SYT16: variants seen among roughly 807,000 people sequenced by gnomAD.
The protein encoded by SYT16 is synaptotagmin-16.
In SYT16, 42 loss-of-function variants were observed where a neutral mutation model predicts 61.4. The ratio of observed to expected loss-of-function variants is 0.68; its 90% CI spans 0.53 to 0.89. The LOEUF (loss-of-function observed/expected upper bound fraction) is 0.89, where lower values mean the gene tolerates loss of function less well. Among genes scored for constraint, SYT16 ranks in the 40% least tolerant of loss-of-function variants. SYT16 has a pLI of 0.00. For missense variants in SYT16, 804 were observed against 807.3 expected (o/e 1.00, Z 0.05); for synonymous variants, 314 against 302.3 (o/e 1.04, Z -0.40).
rs1222370544 is a variant in SYT16 at position 62,100,964 on chromosome 14, T to C, written c.*257T>C. The stretch of plus-strand genomic sequence containing the variant: ...CAATTAAGACCACTGATGAGTTAAT[T>C]TGTGCCAATAGATCATTGAGTTTTA... On this transcript the variant is annotated 3_prime_UTR_variant, in exon 8 of 8. Transcript: ENST00000683842. 2.5e-6 allele frequency: 1 copy of C among 395,446 alleles called. No individual in the cohort carries two copies. Among genetic ancestry groups the C allele is most frequent in the East Asian group, 4.6e-5 (1 of 21,928 alleles). 24.5% of individuals were successfully genotyped at this position (395,446 alleles called of 1,614,324 possible). A position where few individuals can be genotyped will look rare whatever the true frequency, so the allele number is the denominator to read the frequency against.
intron 1 of SYT16, among the ~76,000 whole-genome samples, chr14:61,967,988 C>G (rs779691181): frequency 4.6e-5 from 7 of 151,960 alleles, no homozygotes; most frequent in Admixed American, 1.3e-4. Flanking sequence ...AGGCTGGGTG[C>G]GGTGGCTCAT....
intron 1 of SYT16, among the ~76,000 whole-genome samples, chr14:61,901,734 A>G (rs946468160): frequency 3.4e-5 from 5 of 146,908 alleles, no homozygotes; most frequent in African/African-American, 1.3e-4. Context: ...CATAGTGTTC[A>G]TCTGCTTATA....
chr14:61,901,762 A>AATT lies in SYT16; in HGVS notation c.-324-68354_-324-68352dup, dbSNP rs1555354445. On this transcript the variant is annotated intron_variant, in intron 1 of 7. Coordinates refer to ENST00000683842, the MANE Select transcript of SYT16 (RefSeq NM_001367656.1). ...TGCTTATAATAATAATAATAATAAT[A>AATT]ATTATTATTATTATTATTTTTTGGA... is the stretch of plus-strand genomic sequence containing the variant. Among the ~76,000 whole-genome samples the AATT allele has an allele frequency of 5.7e-3, 786 of 138,812 alleles. 4 individuals carry two copies. Among genetic ancestry groups the AATT allele is most frequent in the African/African-American group, 0.022 (735 of 34,088 alleles). 91.1% of individuals were successfully genotyped at this position (138,812 alleles called of 152,430 possible). A position where few individuals can be genotyped will look rare whatever the true frequency, so the allele number is the denominator to read the frequency against.
In SYT16 at chr14:62,084,251, C is replaced by G; in HGVS notation, c.1490C>G (p.Ser497Cys). ...SAVSHSDSTS[S>C]TQSLSHGGAP... The stretch of plus-strand genomic sequence containing the variant: ...GTTTCTCACAGTGATAGTACTTCAT[C>G]CACGCAGTCGCTGTCTCATGGAGGG... The change falls in exon 7 of 8, where the codon TCC becomes TGC. Residue 497 changes from serine (S) to cysteine (C), a missense_variant. Transcript: ENST00000683842. The G allele has an allele frequency of 6.2e-7, 1 of 1,613,996 alleles. No individual in the cohort carries two copies. Among genetic ancestry groups the G allele is most frequent in the South Asian group, 1.1e-5 (1 of 91,078 alleles).
intron 4 of SYT16, 82 bp from the exon 5 acceptor site, chr14:62,075,044 TTGATTGTTG>T (rs1025785386): frequency 1.4e-6 from 2 of 1,398,086 alleles, no homozygotes; most frequent in African/African-American, 2.9e-5. Flanking sequence ...TTCTGCAATC[TTGATTGTTG>T]TGACTGCAAT....
intron 7 of SYT16, among the ~76,000 whole-genome samples, chr14:62,090,407 G>C (rs2057033018): frequency 6.6e-6 from 1 of 152,158 alleles, no homozygotes. Context: ...AGCAAATCAA[G>C]CTCCCTCATG....
chr14:61,904,718 C>G (rs974037591), intron 1 of SYT16, among the ~76,000 whole-genome samples: 2 of 152,200 alleles, frequency 1.3e-5, no homozygotes, highest in South Asian at 2.1e-4. Context: ...CACTGACATA[C>G]TGCATTCTTC....
intron 3 of SYT16, among the ~76,000 whole-genome samples, chr14:62,025,138 G>A: frequency 6.6e-6 from 1 of 151,976 alleles, no homozygotes; most frequent in Non-Finnish European, 1.5e-5. Context: ...AATTCTTTTG[G>A]ACAAATACAC....
intron 3 of SYT16, among the ~76,000 whole-genome samples, chr14:62,065,567 G>C (rs1301043412): frequency 1.3e-5 from 2 of 152,146 alleles, no homozygotes; most frequent in Non-Finnish European, 2.9e-5. Flanking sequence ...TAGATGGAAA[G>C]ATATCCATGC....
intron 1 of SYT16, among the ~76,000 whole-genome samples, chr14:61,926,108 T>G (rs550244205): frequency 6.6e-6 from 1 of 152,242 alleles, no homozygotes; most frequent in South Asian, 2.1e-4. Flanking sequence ...AGCATATGTG[T>G]GGGAGATATC....
chr14:61,896,343 A>G (rs1388273550), intron 1 of SYT16, among the ~76,000 whole-genome samples: 1 of 152,186 alleles, frequency 6.6e-6, no homozygotes, highest in Non-Finnish European at 1.5e-5. Context: ...CCCACACTGA[A>G]GTGAGGTTTT....
intron 1 of SYT16, among the ~76,000 whole-genome samples, chr14:61,856,561 AG>A (rs2046781848): frequency 6.6e-6 from 1 of 151,828 alleles, no homozygotes; most frequent in African/African-American, 2.4e-5. Context: ...ATAAATTTAG[AG>A]GGGAAGACTG....
chr14:62,078,377 G>A (rs778084760), intron 5 of SYT16, among the ~76,000 whole-genome samples: 1 of 152,068 alleles, frequency 6.6e-6, no homozygotes, highest in Non-Finnish European at 1.5e-5. Context: ...CTGGGCTTGG[G>A]GGGAGAGAGC....
At chr14:62,084,048 C>T (rs2056801255) in intron 6 of SYT16, 148 bp from the exon 7 acceptor site, 1 of 820,620 alleles carries the variant, frequency 1.2e-6, no homozygotes, top group East Asian at 2.9e-5. Context: ...TCCCTGGGCC[C>T]ATTGTAATTC....
chr14:61,871,338 T>C (rs2047326277), intron 1 of SYT16, among the ~76,000 whole-genome samples: 1 of 152,090 alleles, frequency 6.6e-6, no homozygotes, highest in South Asian at 2.1e-4. Flanking sequence ...TTAATACACA[T>C]GTGCTGATCT....
intron 1 of SYT16, among the ~76,000 whole-genome samples, chr14:61,962,954 A>G (rs2051171599): frequency 6.6e-6 from 1 of 152,056 alleles, no homozygotes; most frequent in Admixed American, 6.6e-5. Flanking sequence ...CTTTTTAAAG[A>G]TGGTTATTTT....
intron 3 of SYT16, among the ~76,000 whole-genome samples, chr14:62,041,935 C>G (rs960632270): frequency 6.6e-6 from 1 of 152,128 alleles, no homozygotes; most frequent in Non-Finnish European, 1.5e-5. Context: ...CAATCCCAGT[C>G]AGTATATTTT....
chr14:61,955,262 T>C (rs2050827440), intron 1 of SYT16, among the ~76,000 whole-genome samples: 1 of 152,144 alleles, frequency 6.6e-6, no homozygotes, highest in African/African-American at 2.4e-5. Context: ...AGTTTCATAC[T>C]GTCCCTCCCC....
chr14:61,915,128 T>C (rs1254013673), intron 1 of SYT16, among the ~76,000 whole-genome samples: 1 of 152,164 alleles, frequency 6.6e-6, no homozygotes, highest in Admixed American at 6.5e-5. Context: ...TTTTCTGTCA[T>C]GTTCTGAATT....
Sources: allele counts gnomAD v4.1 joint callset (sites outside exome capture counted in the v4.1 genomes callset), GRCh38; gene constraint gnomAD v4.1.1; transcripts MANE v1.5; gene names NCBI Gene and HGNC (gene_info 2026-07-23, HGNC 2026-07-21).